The following OPCML variants were observed in gnomAD, a reference collection of about 807,000 sequenced individuals.
The protein encoded by OPCML is opioid-binding protein/cell adhesion molecule.
Under a neutral mutation model 37.8 loss-of-function variants are expected in OPCML, and 13 were observed. That is an observed-to-expected ratio of 0.34 (90% CI 0.22 to 0.55). The LOEUF is 0.55. Among genes scored for constraint, OPCML ranks in the 20% least tolerant of loss-of-function variants. OPCML has a pLI of 0.91. For missense variants in OPCML, 341 were observed against 435.6 expected (o/e 0.78, Z 1.93); for synonymous variants, 176 against 168.8 (o/e 1.04, Z -0.33).
intron 2 of OPCML, among the ~76,000 whole-genome samples, chr11:132,822,828 G>T (rs1940073755): frequency 6.6e-6 from 1 of 152,100 alleles, no homozygotes; most frequent in Admixed American, 6.5e-5. Flanking sequence ...TAAGTAGACT[G>T]GTTTCTACCC....
At chr11:132,443,273 C>T (rs935419374) in intron 4 of OPCML, among the ~76,000 whole-genome samples, 1 of 152,084 alleles carries the variant, frequency 6.6e-6, no homozygotes, top group Non-Finnish European at 1.5e-5. Context: ...GGCAGCCACA[C>T]AGGGAGGACA....
At chr11:133,124,374 TCTC>T (rs1949468174) in intron 1 of OPCML, among the ~76,000 whole-genome samples, 1 of 152,054 alleles carries the variant, frequency 6.6e-6, no homozygotes. Context: ...TATCAGGACA[TCTC>T]CTCTGCCCAG....
At chr11:132,478,313 T>G (rs991047370) in intron 4 of OPCML, among the ~76,000 whole-genome samples, 6 of 152,350 alleles carry the variant, frequency 3.9e-5, no homozygotes, top group Middle Eastern at 3.4e-3. Context: ...AGATAGGGAA[T>G]GATTCAATGA....
At position 132,896,689 on chromosome 11, in the gene OPCML, A is replaced by G. The variant is rs191465286; in HGVS notation, c.146+46237T>C. Among the ~76,000 whole-genome samples, 21 of 152,326 alleles carry G rather than the reference A, an allele frequency of 1.4e-4. No individual in the cohort carries two copies. The East Asian group carries it at 4.1e-3, about 29-fold the overall frequency. ...GGAATCTTCACTGCCTTTCCCTTCC[A>G]TAAGATTTCATACTGTTCTATTGAT... On this transcript the variant is annotated intron_variant, in intron 2 of 7. Coordinates refer to ENST00000524381, the MANE Select transcript of OPCML (RefSeq NM_001012393.5).
chr11:133,484,552 A>T (rs1410295222), intron 1 of OPCML, among the ~76,000 whole-genome samples: 1 of 152,158 alleles, frequency 6.6e-6, no homozygotes, highest in African/African-American at 2.4e-5. Flanking sequence ...AGAACTGAGG[A>T]CACATAACAG....
chr11:132,891,389 G>T (rs981882983), intron 2 of OPCML, among the ~76,000 whole-genome samples: 3 of 151,884 alleles, frequency 2.0e-5, no homozygotes, highest in Non-Finnish European at 4.4e-5. Flanking sequence ...CCAGGACTCC[G>T]TATTATTTTT....
chr11:133,035,479 G>A (rs904853555), intron 1 of OPCML, among the ~76,000 whole-genome samples: 1 of 152,194 alleles, frequency 6.6e-6, no homozygotes, highest in African/African-American at 2.4e-5. Context: ...GTGGTAAGGA[G>A]TCAGGAAATT....
intron 2 of OPCML, among the ~76,000 whole-genome samples, chr11:132,928,034 C>T (rs529182183): frequency 7.8e-4 from 118 of 151,364 alleles, no homozygotes; most frequent in Middle Eastern, 6.8e-3. Context: ...TAAACACAAA[C>T]GAAGGCAGTA....
chr11:132,680,358 G>A (rs759355012), intron 2 of OPCML, among the ~76,000 whole-genome samples: 1 of 152,132 alleles, frequency 6.6e-6, no homozygotes, highest in Non-Finnish European at 1.5e-5. Flanking sequence ...GTATAAAGGA[G>A]TAACACAAAG....
In OPCML at chr11:133,289,124, GT is replaced by G. The variant is rs199831008; in HGVS notation, c.61+243139del. On this transcript the variant is annotated intron_variant, in intron 1 of 7. Transcript: ENST00000524381. ...CCGAGGATTAGATGATGTGTTGCTT[GT>G]TTTTGTTGAAATGAGAGTATTGCAA... 1.5e-4 allele frequency among the ~76,000 whole-genome samples: 23 copies of G among 152,248 alleles called. 1 individual carries two copies. The East Asian group carries it at 4.2e-3, about 28-fold the overall frequency.
chr11:132,627,295 G>GA (rs1376020065), intron 3 of OPCML, among the ~76,000 whole-genome samples: 2 of 152,062 alleles, frequency 1.3e-5, no homozygotes, highest in Admixed American at 6.6e-5. Flanking sequence ...CTTTAAAATA[G>GA]AAAAAAGAAC....
At chr11:133,443,660 G>T (rs1296872114) in intron 1 of OPCML, among the ~76,000 whole-genome samples, 1 of 152,108 alleles carries the variant, frequency 6.6e-6, no homozygotes, top group Admixed American at 6.5e-5. Context: ...TTTGAAACGG[G>T]ATCATTTAGC....
chr11:133,270,655 G>A (rs957328989), intron 1 of OPCML, among the ~76,000 whole-genome samples: 7 of 152,136 alleles, frequency 4.6e-5, no homozygotes, highest in African/African-American at 1.2e-4. Flanking sequence ...GTAAACAGGT[G>A]GTTTTCGTGG....
chr11:133,215,326 A>G (rs549852098), intron 1 of OPCML, among the ~76,000 whole-genome samples: 17 of 152,276 alleles, frequency 1.1e-4, no homozygotes, highest in African/African-American at 3.4e-4. Context: ...GATGAACTCT[A>G]GTCATTCTTT....
intron 1 of OPCML, among the ~76,000 whole-genome samples, chr11:133,346,696 G>A (rs1385644485): frequency 1.3e-5 from 2 of 152,172 alleles, no homozygotes; most frequent in Admixed American, 6.5e-5. Context: ...TGGAAAGAAT[G>A]TGGAATTAGC....
intron 2 of OPCML, among the ~76,000 whole-genome samples, chr11:132,793,630 TCTAA>T (rs1347816388): frequency 6.6e-6 from 1 of 152,158 alleles, no homozygotes; most frequent in Non-Finnish European, 1.5e-5. Context: ...ATTCTACCTT[TCTAA>T]CTTAGACATA....
chr11:132,590,014 C>T (rs541357654), intron 3 of OPCML, among the ~76,000 whole-genome samples: 18 of 152,202 alleles, frequency 1.2e-4, no homozygotes, highest in African/African-American at 4.1e-4. Flanking sequence ...TGACCCCTGA[C>T]CTAAGTGAGA....
intron 4 of OPCML, among the ~76,000 whole-genome samples, chr11:132,448,557 GAA>G (rs936978789): frequency 6.6e-6 from 1 of 152,194 alleles, no homozygotes; most frequent in Non-Finnish European, 1.5e-5. Context: ...GGGTCCCTTT[GAA>G]AACTTAGCTG....
intron 1 of OPCML, among the ~76,000 whole-genome samples, chr11:133,064,314 GGCAGCCCCTGGTACC>G: frequency 6.6e-6 from 1 of 152,334 alleles, no homozygotes; most frequent in South Asian, 2.1e-4. Flanking sequence ...CCCCTCGCTG[GGCAGCCCCTGGTACC>G]GCAACCCGCC....
Sources: gnomAD v4.1 joint callset for allele counts (sites outside exome capture counted in the v4.1 genomes callset) on GRCh38, gnomAD v4.1.1 for gene constraint, MANE v1.5 for transcripts, NCBI Gene and HGNC (gene_info 2026-07-23, HGNC 2026-07-21) for gene names.